The following RPS6KA5 variants were observed in gnomAD, a reference collection of about 807,000 sequenced individuals.
The protein encoded by RPS6KA5 is ribosomal protein S6 kinase alpha-5.
Under a neutral mutation model 85.5 loss-of-function variants are expected in RPS6KA5, and 27 were observed. That is an observed-to-expected ratio of 0.32 (90% CI 0.23 to 0.44). RPS6KA5 has a LOEUF of 0.44. RPS6KA5 is among the 20% of genes least tolerant of loss of function. The pLI, the probability that RPS6KA5 is intolerant of heterozygous loss-of-function variation, is 1.00. For missense variants in RPS6KA5, 811 were observed against 980.9 expected (o/e 0.83, Z 2.31); for synonymous variants, 334 against 348.2 (o/e 0.96, Z 0.46).
chr14:91,018,509 A>C (rs961678005), intron 1 of RPS6KA5, among the ~76,000 whole-genome samples: 2 of 152,230 alleles, frequency 1.3e-5, no homozygotes, highest in African/African-American at 4.8e-5. Flanking sequence ...GCATGGCTAG[A>C]ACAAAAGCAG....
At chr14:90,881,452 C>CAA (rs375439250) in intron 14 of RPS6KA5, among the ~76,000 whole-genome samples, 48 of 126,022 alleles carry the variant, frequency 3.8e-4, no homozygotes, top group South Asian at 7.8e-4. Flanking sequence ...GACTCTGTCT[C>CAA]AAAAAAAAAA....
At chr14:91,060,062 A>C (rs1367636381) in intron 1 of RPS6KA5, 1 of 985,406 alleles carries the variant, frequency 1.0e-6, no homozygotes, top group African/African-American at 1.7e-5. Context: ...GGTGCGTGCC[A>C]CGGGCAGCGG....
At chr14:90,949,585 T>C (rs1179981914) in intron 3 of RPS6KA5, among the ~76,000 whole-genome samples, 1 of 152,158 alleles carries the variant, frequency 6.6e-6, no homozygotes, top group Admixed American at 6.5e-5. Context: ...CTCTGAAACT[T>C]AAGAGGCCAG....
Position 90,943,855 on chromosome 14 carries a change from T to C in RPS6KA5, c.511-670A>G, listed in dbSNP as rs117788426. 7.3e-3 allele frequency among the ~76,000 whole-genome samples: 1,105 copies of C among 152,232 alleles called. 3 individuals carry two copies. The highest frequency in any genetic ancestry group is 0.015 in the South Asian group (72 of 4,826). ...CTTTAGTTGTTTTTTGTTGTTGTTA[T>C]TGTTGTTGTTGTTTTGAGATAGGGT... On this transcript the variant is annotated intron_variant, in intron 4 of 16. Coordinates refer to ENST00000614987, the MANE Select transcript of RPS6KA5 (RefSeq NM_004755.4).
intron 2 of RPS6KA5, among the ~76,000 whole-genome samples, chr14:90,985,098 C>T (rs899405880): frequency 3.9e-5 from 6 of 152,052 alleles, no homozygotes; most frequent in Admixed American, 6.6e-5. Flanking sequence ...TGCGCCACCA[C>T]GCCCATCTAA....
intron 14 of RPS6KA5, among the ~76,000 whole-genome samples, chr14:90,877,941 C>T (rs1222656368): frequency 6.6e-6 from 1 of 152,224 alleles, no homozygotes; most frequent in African/African-American, 2.4e-5. Flanking sequence ...GCCTGGCACA[C>T]AGTAGGTGCT....
chr14:90,919,938 A>G (rs1174213280), intron 7 of RPS6KA5, among the ~76,000 whole-genome samples: 1 of 152,222 alleles, frequency 6.6e-6, no homozygotes, highest in Non-Finnish European at 1.5e-5. Flanking sequence ...AGTGTAAGAC[A>G]ATATGCTAAG....
rs576402350 is a variant in RPS6KA5 at position 90,951,258 on chromosome 14, C to T, written c.395-3708G>A. Among the ~76,000 whole-genome samples, 85 of 151,984 alleles carry T rather than the reference C, an allele frequency of 5.6e-4. No homozygotes were observed. In the South Asian group the frequency reaches 0.012, roughly 21 times the overall value. On this transcript the variant is annotated intron_variant, in intron 3 of 16. Transcript: ENST00000614987. ...CAGCACTTTGTGAGGCCGAGGCGGG[C>T]GGGTCACCAGGTCAGGAGATCGAGA...
At chr14:91,050,771 A>T (rs894411087) in intron 1 of RPS6KA5, among the ~76,000 whole-genome samples, 3 of 143,714 alleles carry the variant, frequency 2.1e-5, no homozygotes, top group Non-Finnish European at 3.0e-5. Context: ...AAATAAAAAT[A>T]AAAAAAAAGC....
chr14:90,907,569 C>A (rs2035580990), intron 7 of RPS6KA5, among the ~76,000 whole-genome samples: 1 of 152,152 alleles, frequency 6.6e-6, no homozygotes, highest in Non-Finnish European at 1.5e-5. Context: ...ATCAAATAGC[C>A]ACTGAGAATC....
At chr14:90,989,246 C>A (rs1350978212) in intron 2 of RPS6KA5, among the ~76,000 whole-genome samples, 1 of 152,008 alleles carries the variant, frequency 6.6e-6, no homozygotes, top group African/African-American at 2.4e-5. Context: ...GGGACTTGGG[C>A]TCACAGAGTT....
At chr14:90,940,843 T>C (rs1305825673) in intron 5 of RPS6KA5, among the ~76,000 whole-genome samples, 1 of 152,178 alleles carries the variant, frequency 6.6e-6, no homozygotes, top group Non-Finnish European at 1.5e-5. Context: ...AACCCTATTG[T>C]GAAGTGTGCA....
intron 3 of RPS6KA5, among the ~76,000 whole-genome samples, chr14:90,964,780 T>G (rs377710737): frequency 5.9e-5 from 9 of 151,560 alleles, no homozygotes; most frequent in African/African-American, 2.2e-4. Context: ...CCAGGAGTGG[T>G]GGTGTGCACC....
At chr14:91,041,773 C>T (rs1176099233) in intron 1 of RPS6KA5, among the ~76,000 whole-genome samples, 3 of 152,264 alleles carry the variant, frequency 2.0e-5, no homozygotes, top group East Asian at 3.9e-4. Flanking sequence ...ACAATGCTGC[C>T]CACTTTGCTC....
chr14:90,964,114 C>A (rs1240782104), intron 3 of RPS6KA5, among the ~76,000 whole-genome samples: 2 of 151,942 alleles, frequency 1.3e-5, no homozygotes. Context: ...TGAAAGGGGT[C>A]AAAAAATAGA....
At chr14:90,954,337 T>C (rs891918690) in intron 3 of RPS6KA5, among the ~76,000 whole-genome samples, 1 of 152,376 alleles carries the variant, frequency 6.6e-6, no homozygotes, top group African/African-American at 2.4e-5. Flanking sequence ...AATTCTTCTT[T>C]AAATGTTTGG....
At chr14:91,005,653 CTAAA>C (rs2040987589) in intron 1 of RPS6KA5, among the ~76,000 whole-genome samples, 1 of 152,064 alleles carries the variant, frequency 6.6e-6, no homozygotes, top group African/African-American at 2.4e-5. Context: ...GTCTAGGTGT[CTAAA>C]TAGTTTTCAT....
Position 90,854,672 on chromosome 14 carries a change from T to C in RPS6KA5, c.*17402A>G, listed in dbSNP as rs1420707615. ...TAAAAGACGTATCAGACTCACTCAG[T>C]AAAAAATATACTATACTTACTACAA... On this transcript the variant is annotated 3_prime_UTR_variant, in exon 17 of 17. Transcript: ENST00000614987. 2.0e-5 allele frequency: 3 copies of C among 152,164 alleles called. No individual in the cohort carries two copies. Among genetic ancestry groups the C allele is most frequent in the Non-Finnish European group, 4.4e-5 (3 of 68,000 alleles). The allele number at this position is 152,164 out of a possible 1,614,324, so 9.4% of individuals were successfully genotyped here.
chr14:91,035,875 A>C (rs113098571), intron 1 of RPS6KA5, among the ~76,000 whole-genome samples: 58,895 of 117,382 alleles, frequency 0.5, 15,465 homozygotes, highest in Non-Finnish European at 0.54. Flanking sequence ...AAAAAAAAAA[A>C]AAAAAACCCC....
Sources: gnomAD v4.1 joint callset for allele counts (sites outside exome capture counted in the v4.1 genomes callset) on GRCh38, gnomAD v4.1.1 for gene constraint, MANE v1.5 for transcripts, NCBI Gene and HGNC (gene_info 2026-07-23, HGNC 2026-07-21) for gene names.